The following HOOK3 variants were observed in gnomAD, a reference collection of about 807,000 sequenced individuals.
The protein encoded by HOOK3 is protein Hook homolog 3.
HOOK3 carries 24 observed loss-of-function variants against 116.3 expected under a neutral mutation model. The ratio of observed to expected loss-of-function variants is 0.21; its 90% CI spans 0.15 to 0.29. The LOEUF is 0.29. Among genes scored for constraint, HOOK3 ranks in the 10% least tolerant of loss-of-function variants. HOOK3 has a pLI of 1.00. For missense variants in HOOK3, 632 were observed against 830.2 expected (o/e 0.76, Z 2.93); for synonymous variants, 275 against 283.0 (o/e 0.97, Z 0.28).
intron 11 of HOOK3, among the ~76,000 whole-genome samples, chr8:42,971,489 GA>G (rs2130430411): frequency 6.6e-6 from 1 of 151,362 alleles, no homozygotes; most frequent in South Asian, 2.1e-4. Context: ...GGCTGGTCTT[GA>G]ACTTCTGACT....
At chr8:42,958,355 G>A (rs1437405775) in intron 7 of HOOK3, among the ~76,000 whole-genome samples, 1 of 151,922 alleles carries the variant, frequency 6.6e-6, no homozygotes, top group Non-Finnish European at 1.5e-5. Context: ...CACATGAAAT[G>A]AAGAGACAAT....
intron 4 of HOOK3, among the ~76,000 whole-genome samples, chr8:42,940,451 C>G (rs567837346): frequency 6.6e-6 from 1 of 152,186 alleles, no homozygotes; most frequent in Non-Finnish European, 1.5e-5. Flanking sequence ...AGCCTCGGCT[C>G]GGCATCAGAG....
At chr8:42,906,145 T>TTCCCC (rs371943831) in intron 1 of HOOK3, 28 bp from the exon 2 acceptor site, 2 of 465,630 alleles carry the variant, frequency 4.3e-6, no homozygotes, top group African/African-American at 5.5e-5. Flanking sequence ...ACAGAATCTC[T>TTCCCC]CCCCCCCCCC....
chr8:42,992,920 C>T (rs918340711), intron 15 of HOOK3, among the ~76,000 whole-genome samples: 3 of 152,006 alleles, frequency 2.0e-5, no homozygotes, highest in Non-Finnish European at 2.9e-5. Context: ...AGTTTTTCCC[C>T]ATTCAGTATG....
chr8:42,956,876 C>T (rs1808446767), intron 6 of HOOK3, among the ~76,000 whole-genome samples: 1 of 152,188 alleles, frequency 6.6e-6, no homozygotes, highest in Non-Finnish European at 1.5e-5. Context: ...GCCACCGCGC[C>T]CAGCCAGCCC....
At chr8:42,915,512 A>G (rs931815415) in intron 2 of HOOK3, among the ~76,000 whole-genome samples, 2 of 151,850 alleles carry the variant, frequency 1.3e-5, no homozygotes, top group Non-Finnish European at 2.9e-5. Flanking sequence ...GCTCACTGCA[A>G]CCTCCACTTT....
intron 2 of HOOK3, among the ~76,000 whole-genome samples, chr8:42,907,184 G>A (rs920322260): frequency 6.6e-6 from 1 of 152,180 alleles, no homozygotes; most frequent in Non-Finnish European, 1.5e-5. Flanking sequence ...GATTTTAAAA[G>A]ATTTACATGT....
At chr8:42,943,510 T>A in intron 5 of HOOK3, 65 bp downstream of exon 5, 1 of 1,108,278 alleles carries the variant, frequency 9.0e-7, no homozygotes, top group Non-Finnish European at 1.2e-6. Flanking sequence ...TATTTTATAT[T>A]TTATATATAA....
chr8:42,997,995 AT>A (rs1809312435), intron 16 of HOOK3: 1 of 242,160 alleles, frequency 4.1e-6, no homozygotes, highest in Non-Finnish European at 8.1e-6. Flanking sequence ...TCAAGTAGAA[AT>A]TTTTAATGTA....
chr8:42,903,848 C>T (rs1563287195), intron 1 of HOOK3, among the ~76,000 whole-genome samples: 1 of 151,460 alleles, frequency 6.6e-6, no homozygotes. Flanking sequence ...CCCAGCTACT[C>T]GGGGGGCTGA....
chr8:43,005,214 A>AATTTT (rs1809459279), intron 17 of HOOK3, among the ~76,000 whole-genome samples: 5 of 63,182 alleles, frequency 7.9e-5, no homozygotes, highest in African/African-American at 2.6e-4. Context: ...TATATATATA[A>AATTTT]TTTTTTTTTT....
rs1189206282 is a variant in HOOK3 at position 42,906,258 on chromosome 8, T to C, written c.143T>C (p.Ile48Thr). The C allele has an allele frequency of 6.4e-7, 1 of 1,573,516 alleles. No individual in the cohort carries two copies. The highest frequency in any genetic ancestry group is 1.4e-5 in the African/African-American group (1 of 73,260). The change falls in exon 2 of 22, where the codon ATA (isoleucine) becomes ACA (threonine). Residue 48 changes from isoleucine (I) to threonine (T), a missense_variant and splice_region_variant. Physicochemically the swap from Ile to Thr is moderately conservative, Grantham distance 89. Coordinates refer to ENST00000307602, the MANE Select transcript of HOOK3 (RefSeq NM_032410.4). ...GVVMAQVLQK[I>T]DPAYFDENWL... The stretch of plus-strand genomic sequence containing the variant: ...GTGATGGCCCAGGTTCTTCAAAAGA[T>C]GTAAGAATAAATTGCTTATCTTTAT...
rs72647257 is a variant in HOOK3 at position 43,018,604 on chromosome 8, A to G, written c.*106A>G. On this transcript the variant is annotated 3_prime_UTR_variant, in exon 22 of 22. Coordinates refer to ENST00000307602, the MANE Select transcript of HOOK3 (RefSeq NM_032410.4). ...CCAGCTTATTTTTTGTTTCTCTTCT[A>G]TGTCAATACTTAGTGTTTCTCATTT... 3.7e-3 allele frequency: 4,126 copies of G among 1,120,312 alleles called. 13 individuals are homozygous for G. Among genetic ancestry groups the G allele is most frequent in the Middle Eastern group, 8.2e-3 (30 of 3,648 alleles). 69.4% of individuals were successfully genotyped at this position (1,120,312 alleles called of 1,614,324 possible). A position where few individuals can be genotyped will look rare whatever the true frequency, so the allele number is the denominator to read the frequency against.
intron 13 of HOOK3, among the ~76,000 whole-genome samples, chr8:42,980,542 AT>A (rs2130443513): frequency 6.6e-6 from 1 of 152,140 alleles, no homozygotes; most frequent in Admixed American, 6.5e-5. Flanking sequence ...CCATCCATGG[AT>A]TAATATGTTA....
chr8:42,949,658 G>T (rs1412765807), intron 5 of HOOK3, among the ~76,000 whole-genome samples: 2 of 152,158 alleles, frequency 1.3e-5, no homozygotes. Flanking sequence ...GGTGGCTCAC[G>T]CCTGTAATCC....
intron 4 of HOOK3, among the ~76,000 whole-genome samples, chr8:42,938,726 A>ATTTG: frequency 6.6e-6 from 1 of 151,596 alleles, no homozygotes; most frequent in South Asian, 2.1e-4. Context: ...TTATTTATTT[A>ATTTG]TTTATTTTTA....
At chr8:43,005,662 T>C (rs936655181) in intron 17 of HOOK3, among the ~76,000 whole-genome samples, 1 of 152,038 alleles carries the variant, frequency 6.6e-6, no homozygotes, top group Non-Finnish European at 1.5e-5. Context: ...GGATGATTTG[T>C]ATTTATTTTT....
At chr8:42,925,191 G>A (rs1416204282) in intron 2 of HOOK3, among the ~76,000 whole-genome samples, 6 of 151,652 alleles carry the variant, frequency 4.0e-5, no homozygotes, top group African/African-American at 7.3e-5. Flanking sequence ...TCTGCCTCCC[G>A]GGTTCAAGGG....
chr8:42,913,261 A>G, intron 2 of HOOK3, among the ~76,000 whole-genome samples: 1 of 152,060 alleles, frequency 6.6e-6, no homozygotes, highest in Non-Finnish European at 1.5e-5. Flanking sequence ...AAGTATCCTC[A>G]TGTCCCTTTG....
Sources: gnomAD v4.1 joint callset for allele counts (sites outside exome capture counted in the v4.1 genomes callset) on GRCh38, gnomAD v4.1.1 for gene constraint, MANE v1.5 for transcripts, NCBI Gene and HGNC (gene_info 2026-07-23, HGNC 2026-07-21) for gene names.